Variants in PRDM11 observed in about 807,000 individuals in gnomAD.
The protein encoded by PRDM11 is PR domain-containing protein 11.
Under a neutral mutation model 97.8 loss-of-function variants are expected in PRDM11, and 20 were observed. That is an observed-to-expected ratio of 0.20 (90% CI 0.14 to 0.30). PRDM11 has a LOEUF of 0.30. PRDM11 is among the 10% of genes least tolerant of loss of function. The probability of loss-of-function intolerance (pLI) is 1.00; values close to 1 mark genes in which losing one functional copy is unlikely to be tolerated. For synonymous variants in PRDM11, 599 were observed against 637.7 expected, an observed-to-expected ratio of 0.94 and a Z score of 0.91; for missense variants, 1,139 against 1,555.2, an observed-to-expected ratio of 0.73 and a Z score of 4.50.
intron 1 of PRDM11, among the ~76,000 whole-genome samples, chr11:45,102,391 T>C (rs1851992650): frequency 6.6e-6 from 1 of 152,162 alleles, no homozygotes; most frequent in African/African-American, 2.4e-5. Flanking sequence ...AAAGCTGGCT[T>C]TCCCGGGGAG....
chr11:45,212,399 G>A (rs1390603437), intron 5 of PRDM11: 6 of 350,912 alleles, frequency 1.7e-5, no homozygotes, highest in Non-Finnish European at 2.8e-5. Flanking sequence ...TCAGGGGCAG[G>A]GCCAACCCCT....
chr11:45,179,149 C>T (rs1318425700), intron 1 of PRDM11, among the ~76,000 whole-genome samples: 1 of 152,068 alleles, frequency 6.6e-6, no homozygotes, highest in African/African-American at 2.4e-5. Flanking sequence ...GCAGAGGGGC[C>T]AGAGCAAGGG....
chr11:45,210,333 C>G (rs1057016126), intron 5 of PRDM11, among the ~76,000 whole-genome samples: 84 of 152,202 alleles, frequency 5.5e-4, no homozygotes, highest in African/African-American at 1.9e-3. Context: ...CTCACATGCA[C>G]TTTGAAGCCA....
chr11:45,113,132 G>A (rs1233377950), intron 1 of PRDM11, among the ~76,000 whole-genome samples: 5 of 152,154 alleles, frequency 3.3e-5, no homozygotes, highest in African/African-American at 1.2e-4. Context: ...TTTTGTATAA[G>A]GTGAGAAATG....
intron 1 of PRDM11, among the ~76,000 whole-genome samples, chr11:45,177,552 C>G (rs1486386627): frequency 6.6e-6 from 1 of 152,206 alleles, no homozygotes; most frequent in Non-Finnish European, 1.5e-5. Flanking sequence ...CTTCTCCCTC[C>G]CTGTCCCTAT....
chr11:45,165,627 G>A (rs6485598), intron 1 of PRDM11, among the ~76,000 whole-genome samples: 142,693 of 152,354 alleles, frequency 0.94, 67,574 homozygotes, highest in Non-Finnish European at 0.98. Context: ...AGCTCCAGGG[G>A]ATCGTTGCCA....
intron 1 of PRDM11, among the ~76,000 whole-genome samples, chr11:45,155,049 C>T (rs1017643496): frequency 3.9e-5 from 6 of 152,126 alleles, no homozygotes; most frequent in African/African-American, 1.4e-4. Context: ...GGCCGGTGGG[C>T]GCCTTCCCCC....
At chr11:45,150,705 G>T (rs1851638445) in intron 1 of PRDM11, among the ~76,000 whole-genome samples, 1 of 152,194 alleles carries the variant, frequency 6.6e-6, no homozygotes, top group Non-Finnish European at 1.5e-5. Flanking sequence ...ATTCAACATT[G>T]ACTCGAGGTC....
At chr11:45,111,968 GT>G (rs35537309) in intron 1 of PRDM11, among the ~76,000 whole-genome samples, 125,389 of 152,050 alleles carry the variant, frequency 0.82, 52,537 homozygotes, top group Middle Eastern at 0.88. Flanking sequence ...TATTGTAATA[GT>G]TTTTTGGGGT....
chr11:45,140,984 TC>T (rs1423529697), intron 1 of PRDM11, among the ~76,000 whole-genome samples: 2 of 152,048 alleles, frequency 1.3e-5, no homozygotes, highest in Non-Finnish European at 2.9e-5. Flanking sequence ...TTGCCCAGAG[TC>T]CCAAGTTTGG....
chr11:45,209,438 C>T, intron 5 of PRDM11: 1 of 310,040 alleles, frequency 3.2e-6, no homozygotes. Context: ...CTCCTTCTCC[C>T]ACTCTTCTCC....
intron 7 of PRDM11, 56 bp downstream of exon 7, chr11:45,224,899 T>A: frequency 6.2e-7 from 1 of 1,603,228 alleles, no homozygotes. Flanking sequence ...GTGGGCTGTG[T>A]GGAGGGTAGC....
intron 4 of PRDM11, among the ~76,000 whole-genome samples, chr11:45,192,241 T>C (rs928913301): frequency 6.6e-6 from 1 of 152,168 alleles, no homozygotes; most frequent in Admixed American, 6.5e-5. Flanking sequence ...GTACCAAGTG[T>C]GTTTAGAAGG....
At chr11:45,222,922 C>T (rs1367628751) in intron 6 of PRDM11, among the ~76,000 whole-genome samples, 2 of 152,150 alleles carry the variant, frequency 1.3e-5, no homozygotes, top group African/African-American at 4.8e-5. Flanking sequence ...CTTTCAGGAC[C>T]CTCTAAGGGC....
chr11:45,212,959 C>T (rs1475960395), intron 5 of PRDM11: 3 of 395,316 alleles, frequency 7.6e-6, no homozygotes, highest in Non-Finnish European at 1.5e-5. Flanking sequence ...AGGCCCAAGC[C>T]CCCCTGCCAG....
intron 1 of PRDM11, among the ~76,000 whole-genome samples, chr11:45,119,460 T>C (rs972227684): frequency 2.6e-5 from 4 of 151,764 alleles, no homozygotes; most frequent in African/African-American, 9.7e-5. Flanking sequence ...ACCCTGTCTC[T>C]ACTATAAAAA....
intron 1 of PRDM11, among the ~76,000 whole-genome samples, chr11:45,162,672 G>GA (rs748991072): frequency 1.7e-4 from 26 of 152,192 alleles, no homozygotes; most frequent in Admixed American, 3.9e-4. Context: ...GGGAAGTTAA[G>GA]TGGCTTCCCA....
chr11:45,205,577 G>A (rs1271475159), intron 5 of PRDM11, among the ~76,000 whole-genome samples: 1 of 152,194 alleles, frequency 6.6e-6, no homozygotes, highest in Non-Finnish European at 1.5e-5. Context: ...GATGTCTGGA[G>A]TCAGGGGCAC....
At chr11:45,182,794 C>T in intron 3 of PRDM11, 67 bp from the exon 4 acceptor site, 2 of 1,491,048 alleles carry the variant, frequency 1.3e-6, no homozygotes, top group Non-Finnish European at 1.8e-6. Context: ...AGCCCCTCTA[C>T]CTCCCCCATG....
Sources: gnomAD v4.1 joint callset for allele counts (sites outside exome capture counted in the v4.1 genomes callset) on GRCh38, gnomAD v4.1.1 for gene constraint, MANE v1.5 for transcripts, NCBI Gene and HGNC (gene_info 2026-07-23, HGNC 2026-07-21) for gene names.